The following COMMD10 variants were observed in gnomAD, a reference collection of about 807,000 sequenced individuals.
COMMD10 encodes the protein COMM domain containing 10.
In COMMD10, 33 loss-of-function variants were observed where a neutral mutation model predicts 28.9. That is an observed-to-expected ratio of 1.14 (90% CI 0.87 to 1.53). The LOEUF (loss-of-function observed/expected upper bound fraction) is 1.53, where lower values mean the gene tolerates loss of function less well. Among genes scored for constraint, COMMD10 ranks in the 40% most tolerant of loss-of-function variants. The pLI is 0.00. For missense variants in COMMD10, 310 were observed against 233.4 expected, an observed-to-expected ratio of 1.33 and a Z score of -2.14; for synonymous variants, 110 against 81.7, an observed-to-expected ratio of 1.35 and a Z score of -1.87.
chr5:116,112,452 A>G (rs989059633), intron 4 of COMMD10, among the ~76,000 whole-genome samples: 2 of 151,590 alleles, frequency 1.3e-5, no homozygotes, highest in African/African-American at 4.9e-5. Context: ...GCTGGAGTGC[A>G]GTGGCGGGAT....
intron 5 of COMMD10, 141 bp downstream of exon 5, chr5:116,134,319 C>A: frequency 1.8e-6 from 1 of 549,714 alleles, no homozygotes; most frequent in Non-Finnish European, 3.3e-6. Flanking sequence ...TCTTTTTTGA[C>A]AGAAATAGCT....
At chr5:116,170,275 T>G (rs1156276626) in intron 5 of COMMD10, among the ~76,000 whole-genome samples, 2 of 152,140 alleles carry the variant, frequency 1.3e-5, no homozygotes, top group Non-Finnish European at 2.9e-5. Context: ...GAAATACAAC[T>G]TACAAGGGAT....
intron 5 of COMMD10, among the ~76,000 whole-genome samples, chr5:116,174,872 A>T (rs1007236746): frequency 6.6e-6 from 1 of 152,178 alleles, no homozygotes; most frequent in African/African-American, 2.4e-5. Context: ...CTATAAAGAA[A>T]TGGTCAGTTT....
chr5:116,212,787 A>G (rs1414854137), intron 5 of COMMD10, among the ~76,000 whole-genome samples: 1 of 152,138 alleles, frequency 6.6e-6, no homozygotes, highest in African/African-American at 2.4e-5. Context: ...GAAGGCTATC[A>G]GAAAATGTAT....
chr5:116,196,841 A>C (rs1405820850), intron 5 of COMMD10, among the ~76,000 whole-genome samples: 1 of 152,078 alleles, frequency 6.6e-6, no homozygotes, highest in Non-Finnish European at 1.5e-5. Flanking sequence ...CATATTACTA[A>C]TTTTCAAATT....
chr5:116,088,360 A>T (rs1750179728), intron 2 of COMMD10, among the ~76,000 whole-genome samples: 2 of 152,202 alleles, frequency 1.3e-5, no homozygotes, highest in African/African-American at 4.8e-5. Flanking sequence ...TTTTTAGATG[A>T]CAATAGTTAC....
chr5:116,173,855 T>G (rs35119285), intron 5 of COMMD10, among the ~76,000 whole-genome samples: 39,369 of 150,864 alleles, frequency 0.26, 6,654 homozygotes, highest in Non-Finnish European at 0.37. Flanking sequence ...TTTTGTTTTT[T>G]TTTTTTTGGA....
intron 5 of COMMD10, among the ~76,000 whole-genome samples, chr5:116,153,192 C>T (rs1402563504): frequency 6.6e-6 from 1 of 151,984 alleles, no homozygotes; most frequent in African/African-American, 2.4e-5. Context: ...GGTTAAGATA[C>T]AGGATAAGTT....
At chr5:116,273,791 T>G (rs982367281) in intron 5 of COMMD10, among the ~76,000 whole-genome samples, 1 of 151,716 alleles carries the variant, frequency 6.6e-6, no homozygotes, top group African/African-American at 2.4e-5. Flanking sequence ...AATTTTTTAT[T>G]GACTTCATAT....
intron 5 of COMMD10, among the ~76,000 whole-genome samples, chr5:116,145,552 T>TGAGA (rs1752321480): frequency 6.6e-6 from 1 of 151,778 alleles, no homozygotes; most frequent in Non-Finnish European, 1.5e-5. Flanking sequence ...TGGTAAGTGA[T>TGAGA]GAGAGGGAGA....
chr5:116,087,884 CTG>C (rs1197729534), intron 2 of COMMD10, among the ~76,000 whole-genome samples: 1 of 152,044 alleles, frequency 6.6e-6, no homozygotes, highest in Non-Finnish European at 1.5e-5. Flanking sequence ...GACCTTGGAT[CTG>C]TTTTATTATG....
chr5:116,280,289 G>T (rs969357734), intron 5 of COMMD10, among the ~76,000 whole-genome samples: 16 of 151,812 alleles, frequency 1.1e-4, no homozygotes, highest in Non-Finnish European at 1.6e-4. Context: ...TCACAGAAAA[G>T]TAGAAATTTA....
intron 5 of COMMD10, among the ~76,000 whole-genome samples, chr5:116,206,646 C>T (rs1413217383): frequency 2.0e-5 from 3 of 151,498 alleles, no homozygotes; most frequent in Non-Finnish European, 4.4e-5. Flanking sequence ...GAGTGAAACT[C>T]CATCTCAAAA....
intron 5 of COMMD10, among the ~76,000 whole-genome samples, chr5:116,266,394 A>G (rs1442290702): frequency 6.6e-6 from 1 of 151,760 alleles, no homozygotes; most frequent in East Asian, 1.9e-4. Flanking sequence ...AGTTGCCCAA[A>G]CTGAAATCCG....
intron 4 of COMMD10, among the ~76,000 whole-genome samples, chr5:116,094,165 C>G (rs1750395005): frequency 6.6e-6 from 1 of 152,080 alleles, no homozygotes; most frequent in East Asian, 1.9e-4. Flanking sequence ...CCAAAATAGA[C>G]AAATGGAACT....
chr5:116,113,515 G>C (rs1158380060), intron 4 of COMMD10, among the ~76,000 whole-genome samples: 1 of 151,742 alleles, frequency 6.6e-6, no homozygotes, highest in Non-Finnish European at 1.5e-5. Flanking sequence ...ATTTTTATCA[G>C]ACTGCACTGT....
Position 116,277,586 on chromosome 5 carries a change from G to A in COMMD10, c.511-13931G>A, listed in dbSNP as rs184504165. On this transcript the variant is annotated intron_variant, in intron 5 of 6. Transcript: ENST00000274458. ...CTATTATTATGCTGCAGTTTACAAT[G>A]GATTTTCAGTTGCCTGTTGTATGAT... Among the ~76,000 whole-genome samples, 379 of 152,038 alleles carry A rather than the reference G, an allele frequency of 2.5e-3. 3 individuals carry two copies. The highest frequency in any genetic ancestry group is 3.2e-3 in the Non-Finnish European group (216 of 68,002).
intron 5 of COMMD10, among the ~76,000 whole-genome samples, chr5:116,232,400 G>T (rs1362627756): frequency 6.6e-6 from 1 of 151,284 alleles, no homozygotes; most frequent in African/African-American, 2.4e-5. Context: ...AAAATCGAAA[G>T]GTAAACAAGC....
chr5:116,245,964 A>G (rs1174525852), intron 5 of COMMD10, among the ~76,000 whole-genome samples: 1 of 152,162 alleles, frequency 6.6e-6, no homozygotes, highest in Non-Finnish European at 1.5e-5. Context: ...TATTCAACAT[A>G]GTATTGGAAG....
Sources: gnomAD v4.1 joint callset for allele counts (sites outside exome capture counted in the v4.1 genomes callset) on GRCh38, gnomAD v4.1.1 for gene constraint, MANE v1.5 for transcripts, NCBI Gene and HGNC (gene_info 2026-07-23, HGNC 2026-07-21) for gene names.